Variants in FLI1 observed in about 807,000 individuals in gnomAD.
The protein encoded by FLI1 is Friend leukemia integration 1 transcription factor.
In FLI1, 13 loss-of-function variants were observed where a neutral mutation model predicts 53.1. The ratio of observed to expected loss-of-function variants is 0.24; its 90% CI spans 0.16 to 0.39. The LOEUF (loss-of-function observed/expected upper bound fraction) is 0.39. Among genes scored for constraint, FLI1 ranks in the 10% least tolerant of loss-of-function variants. The pLI is 1.00. For synonymous variants in FLI1, 244 were observed against 236.7 expected (o/e 1.03, Z -0.28); for missense variants, 424 against 600.5 (o/e 0.71, Z 3.07).
intron 1 of FLI1, among the ~76,000 whole-genome samples, chr11:128,741,215 G>A (rs1018162598): frequency 1.3e-5 from 2 of 152,046 alleles, no homozygotes; most frequent in Non-Finnish European, 2.9e-5. Context: ...CAAACATAAC[G>A]AAACCCTGTC....
chr11:128,761,317 C>A (rs879636137), intron 2 of FLI1, among the ~76,000 whole-genome samples: 1 of 152,188 alleles, frequency 6.6e-6, no homozygotes, highest in Non-Finnish European at 1.5e-5. Flanking sequence ...CCTCCCCTGG[C>A]CACCTGATCG....
At chr11:128,756,313 G>A (rs2135804998) in intron 1 of FLI1, among the ~76,000 whole-genome samples, 1 of 152,280 alleles carries the variant, frequency 6.6e-6, no homozygotes, top group East Asian at 1.9e-4. Flanking sequence ...TGACTGCTGT[G>A]TCCTCACATG....
intron 1 of FLI1, among the ~76,000 whole-genome samples, chr11:128,722,881 G>A (rs1302137752): frequency 3.3e-5 from 5 of 152,156 alleles, no homozygotes; most frequent in Non-Finnish European, 7.3e-5. Context: ...AAATATCCCT[G>A]TTCTAGCTGT....
chr11:128,757,170 C>G (rs565946308), intron 1 of FLI1, among the ~76,000 whole-genome samples: 1 of 150,476 alleles, frequency 6.6e-6, no homozygotes, highest in South Asian at 2.1e-4. Context: ...TAGTTTAGAA[C>G]TCCTGGACTC....
Position 128,723,933 on chromosome 11 carries a change from ATTTTTTTTTTT to A in FLI1, c.18+29673_18+29683del, listed in dbSNP as rs376612983. Among the ~76,000 whole-genome samples the A allele has an allele frequency of 4.2e-4, 34 of 80,996 alleles. No individual in the cohort carries two copies. In the South Asian group the frequency reaches 0.016, roughly 38 times the overall value. 53.1% of individuals were successfully genotyped at this position (80,996 alleles called of 152,430 possible). On this transcript the variant is annotated intron_variant, in intron 1 of 8. Transcript: ENST00000527786. The stretch of plus-strand genomic sequence containing the variant: ...TAGAGGAGGAGGAACAATGGAGTTG[ATTTTTTTTTTT>A]TTTTTTTTTTTTTTTGAGACGGAGT...
intron 2 of FLI1, among the ~76,000 whole-genome samples, chr11:128,766,628 C>G (rs1242341637): frequency 2.6e-5 from 4 of 151,928 alleles, no homozygotes; most frequent in Admixed American, 2.0e-4. Context: ...GCCTGGGTCT[C>G]AGGAAGCCCT....
At chr11:128,686,700 A>G (rs1163307564) in exon 1 of FLI1, 2 of 344,528 alleles carry the variant, frequency 5.8e-6, no homozygotes, top group Non-Finnish European at 1.2e-5. Context: ...TCTTACATCA[A>G]GGTAAGACAT....
At chr11:128,802,155 G>A (rs1319479532) in intron 5 of FLI1, among the ~76,000 whole-genome samples, 1 of 152,200 alleles carries the variant, frequency 6.6e-6, no homozygotes, top group African/African-American at 2.4e-5. Context: ...CTGCAAGGCT[G>A]GCCTGGTTCT....
intron 1 of FLI1, among the ~76,000 whole-genome samples, chr11:128,754,813 C>T (rs1003123325): frequency 2.0e-5 from 3 of 152,248 alleles, no homozygotes; most frequent in Non-Finnish European, 4.4e-5. Flanking sequence ...AATGCCCAGA[C>T]TGGACAGAAG....
intron 4 of FLI1, among the ~76,000 whole-genome samples, chr11:128,775,991 G>A (rs1297907769): frequency 3.3e-5 from 5 of 152,186 alleles, no homozygotes; most frequent in Non-Finnish European, 7.3e-5. Flanking sequence ...ATCTTTCTGG[G>A]CTTTATAGAA....
At chr11:128,768,084 G>A in intron 2 of FLI1, 34 bp from the exon 3 acceptor site, 2 of 1,571,598 alleles carry the variant, frequency 1.3e-6, no homozygotes, top group Middle Eastern at 1.7e-4. Context: ...TGTCAGTGCT[G>A]ACCGCCTCTG....
At chr11:128,761,107 G>C (rs1441163946) in intron 2 of FLI1, among the ~76,000 whole-genome samples, 2 of 151,972 alleles carry the variant, frequency 1.3e-5, no homozygotes, top group African/African-American at 4.8e-5. Context: ...CCTCTCTACT[G>C]CCCCCTCCCT....
At chr11:128,760,341 C>T (rs1379399459) in intron 2 of FLI1, among the ~76,000 whole-genome samples, 1 of 151,980 alleles carries the variant, frequency 6.6e-6, no homozygotes. Context: ...GCCCCACGTG[C>T]CATCTGTTAG....
intron 3 of FLI1, among the ~76,000 whole-genome samples, chr11:128,769,617 C>T (rs947046334): frequency 1.3e-4 from 20 of 152,096 alleles, no homozygotes; most frequent in South Asian, 2.1e-4. Context: ...AGGCAGCAGA[C>T]GGGTGGGGCT....
chr11:128,807,654 T>C (rs1350795755), intron 7 of FLI1, among the ~76,000 whole-genome samples: 1 of 152,236 alleles, frequency 6.6e-6, no homozygotes, highest in Admixed American at 6.5e-5. Context: ...ATGAGTTGGC[T>C]TAACAATTAA....
At chr11:128,801,490 C>T (rs1020549599) in intron 5 of FLI1, among the ~76,000 whole-genome samples, 9 of 152,198 alleles carry the variant, frequency 5.9e-5, no homozygotes, top group Admixed American at 2.0e-4. Context: ...ACCACTTCAC[C>T]GAGCAGCATT....
chr11:128,757,100 CTTTCTTTCTT>C (rs1565484407), intron 1 of FLI1, among the ~76,000 whole-genome samples: 1 of 133,782 alleles, frequency 7.5e-6, no homozygotes, highest in East Asian at 3.2e-4. Flanking sequence ...TTCTTTCTTT[CTTTCTTTCTT>C]TCTCTCTTTC....
intron 1 of FLI1, among the ~76,000 whole-genome samples, chr11:128,707,526 G>A (rs1938599365): frequency 6.6e-6 from 1 of 152,114 alleles, no homozygotes; most frequent in Non-Finnish European, 1.5e-5. Context: ...GGTGCCTTGG[G>A]GAAGGCATCC....
intron 1 of FLI1, among the ~76,000 whole-genome samples, chr11:128,739,604 G>A (rs1365849512): frequency 6.6e-6 from 1 of 152,196 alleles, no homozygotes; most frequent in Non-Finnish European, 1.5e-5. Flanking sequence ...GAGGGAGGGA[G>A]GCAGTGGTGT....
Sources: gnomAD v4.1 joint callset for allele counts (sites outside exome capture counted in the v4.1 genomes callset) on GRCh38, gnomAD v4.1.1 for gene constraint, MANE v1.5 for transcripts, NCBI Gene and HGNC (gene_info 2026-07-23, HGNC 2026-07-21) for gene names.